Variants in TTC3 observed in about 807,000 individuals in gnomAD.
The protein encoded by TTC3 is E3 ubiquitin-protein ligase TTC3.
A neutral mutation model predicts 249.6 loss-of-function variants in TTC3; 180 were observed. The ratio of observed to expected loss-of-function variants is 0.72; its 90% CI spans 0.64 to 0.82. The LOEUF is 0.82. Among genes scored for constraint, TTC3 ranks in the 40% least tolerant of loss-of-function variants. The pLI is 0.00. For synonymous variants in TTC3, 717 were observed against 805.0 expected (o/e 0.89, Z 1.85); for missense variants, 2,061 against 2,398.4 (o/e 0.86, Z 2.94).
exon 27 of TTC3, chr21:37,153,049 A>G: frequency 1.2e-6 from 2 of 1,614,038 alleles, no homozygotes; most frequent in Non-Finnish European, 1.7e-6. Context: ...CATACAGAAT[A>G]CAGCCATGCT....
chr21:37,086,473 C>G (rs2835582), intron 1 of TTC3: 69,299 of 152,032 alleles, frequency 0.46, 16,339 homozygotes, highest in Non-Finnish European at 0.52. Flanking sequence ...TGAAACTTTA[C>G]CACCAATCCC....
chr21:37,172,551 A>G, intron 34 of TTC3, 44 bp from the exon 35 acceptor site: 1 of 1,576,326 alleles, frequency 6.3e-7, no homozygotes, highest in South Asian at 1.2e-5. Context: ...ATAAGTAGGC[A>G]TTTTAAATGA....
In TTC3 at chr21:37,188,668, A is replaced by G. The variant is rs562805026; in HGVS notation, c.5024+73A>G. 84 of 1,147,728 alleles carry G rather than the reference A, an allele frequency of 7.3e-5. No individual in the cohort carries two copies. In the South Asian group the frequency reaches 1.1e-3, roughly 14 times the overall value. The allele number at this position is 1,147,728 out of a possible 1,614,324, so 71.1% of individuals were successfully genotyped here. A position where few individuals can be genotyped will look rare whatever the true frequency, so the allele number is the denominator to read the frequency against. On this transcript the variant is annotated intron_variant, in intron 39 of 45. Transcript: ENST00000355666. Reference sequence around the variant, plus strand: ...GCTAGGACCATTTGAGAAAAACATTATTTTGTATTAGGACCATTTTATTTT... The same window carrying G: ...GCTAGGACCATTTGAGAAAAACATTGTTTTGTATTAGGACCATTTTATTTT...
chr21:37,149,909 C>T (rs1009434327), intron 23 of TTC3, among the ~76,000 whole-genome samples, 169 bp from the exon 24 acceptor site: 24 of 152,160 alleles, frequency 1.6e-4, no homozygotes, highest in Admixed American at 6.5e-5. Context: ...TTTTCCTACA[C>T]GGAAGCCTTA....
intron 20 of TTC3, 59 bp downstream of exon 20, chr21:37,140,732 T>A: frequency 8.6e-7 from 1 of 1,162,422 alleles, no homozygotes. Flanking sequence ...AAATCCAATG[T>A]GATAATGATC....
intron 34 of TTC3, among the ~76,000 whole-genome samples, chr21:37,167,862 ATTATTTTTAAAATTTTAT>A (rs1192887035): frequency 1.3e-5 from 2 of 151,188 alleles, no homozygotes; most frequent in East Asian, 3.8e-4. Flanking sequence ...GTTTTATTTT[ATTATTTTTAAAATTTTAT>A]TTATTTTTAT....
intron 35 of TTC3, among the ~76,000 whole-genome samples, chr21:37,178,303 AC>A (rs1763757681): frequency 1.3e-5 from 2 of 152,260 alleles, no homozygotes; most frequent in African/African-American, 2.4e-5. Context: ...TTTTCTTTGG[AC>A]ATATGTTTTC....
intron 7 of TTC3, among the ~76,000 whole-genome samples, chr21:37,092,087 G>A (rs2835592): frequency 0.46 from 69,266 of 151,968 alleles, 16,315 homozygotes; most frequent in Non-Finnish European, 0.52. Context: ...TGAATCTGTT[G>A]TTCTTTTATG....
At chr21:37,130,909 A>C (rs148513778) in intron 16 of TTC3, among the ~76,000 whole-genome samples, 2 of 152,148 alleles carry the variant, frequency 1.3e-5, no homozygotes, top group Non-Finnish European at 2.9e-5. Flanking sequence ...TAATGTATAG[A>C]AGTTGTTTCT....
chr21:37,140,141 A>T (rs2835625), intron 19 of TTC3, among the ~76,000 whole-genome samples: 49,794 of 152,038 alleles, frequency 0.33, 8,498 homozygotes, highest in South Asian at 0.52. Context: ...GCCACAAAAG[A>T]CTGTGACAAC....
At chr21:37,112,840 A>G (rs987649208) in intron 11 of TTC3, among the ~76,000 whole-genome samples, 11 of 152,256 alleles carry the variant, frequency 7.2e-5, no homozygotes, top group African/African-American at 2.7e-4. Flanking sequence ...AAGGTTATCC[A>G]CCATGATCAA....
Position 37,167,623 on chromosome 21 carries a change from G to C in TTC3, c.4467+3G>C. On this transcript the variant is annotated splice_donor_region_variant and intron_variant, in intron 34 of 45. Coordinates refer to ENST00000355666, the Ensembl canonical transcript of TTC3. The stretch of plus-strand genomic sequence containing the variant: ...ATAATCCTTTTGAGGAACGACAAGT[G>C]AGTCAAAATTACATTAAACTGTTTA... The C allele has an allele frequency of 6.2e-7, 1 of 1,606,474 alleles. No homozygotes were observed.
At chr21:37,079,531 T>A (rs904907426) in intron 1 of TTC3, among the ~76,000 whole-genome samples, 1 of 140,772 alleles carries the variant, frequency 7.1e-6, no homozygotes, top group African/African-American at 2.7e-5. Flanking sequence ...TTTTTTTTTT[T>A]TTTTTTTTTT....
chr21:37,184,977 C>G (rs1161818020), intron 36 of TTC3, among the ~76,000 whole-genome samples: 1 of 152,260 alleles, frequency 6.6e-6, no homozygotes, highest in Non-Finnish European at 1.5e-5. Context: ...TACAGTGACA[C>G]AAACCACAGA....
chr21:37,096,606 A>G (rs780145141), exon 10 of TTC3: 4 of 1,612,724 alleles, frequency 2.5e-6, no homozygotes, highest in East Asian at 4.5e-5. Context: ...TCTTTATGGT[A>G]ACCGAGCTCT....
exon 46 of TTC3, chr21:37,202,597 G>C (rs1444570355): frequency 6.6e-6 from 1 of 152,228 alleles, no homozygotes; most frequent in South Asian, 2.1e-4. Flanking sequence ...ATGCAGTCTT[G>C]TACTGTGACC....
At chr21:37,102,169 A>G (rs764724413) in intron 10 of TTC3, among the ~76,000 whole-genome samples, 7 of 152,130 alleles carry the variant, frequency 4.6e-5, no homozygotes, top group African/African-American at 9.6e-5. Context: ...TTTAAAATGT[A>G]TGTTTATTCA....
At position 37,122,654 on chromosome 21, in the gene TTC3, G is replaced by A. The variant is rs185434208; in HGVS notation, c.1064-329G>A. Among the ~76,000 whole-genome samples, 201 of 151,752 alleles carry A rather than the reference G, an allele frequency of 1.3e-3. 5 individuals are homozygous for A. The highest frequency in any genetic ancestry group is 0.013 in the Admixed American group (199 of 15,192). Reference sequence around the variant, plus strand: ...CTGAGCTGAACAGCTCTGTTTGACCGGCAGATGTTGTTATCCATCATAACA... The same window carrying A: ...CTGAGCTGAACAGCTCTGTTTGACCAGCAGATGTTGTTATCCATCATAACA... On this transcript the variant is annotated intron_variant, in intron 12 of 45. Coordinates refer to ENST00000355666, the Ensembl canonical transcript of TTC3.
At chr21:37,096,865 T>G in intron 10 of TTC3, 3 of 399,916 alleles carry the variant, frequency 7.5e-6, no homozygotes, top group Non-Finnish European at 1.3e-5. Flanking sequence ...TTATTTTAAG[T>G]GCTTTGCATA....
Sources: gnomAD v4.1 joint callset for allele counts (sites outside exome capture counted in the v4.1 genomes callset) on GRCh38, gnomAD v4.1.1 for gene constraint, MANE v1.5 for transcripts, NCBI Gene and HGNC (gene_info 2026-07-23, HGNC 2026-07-21) for gene names.